SUGP1: variants seen among roughly 807,000 people sequenced by gnomAD.
SUGP1 encodes SURP and G-patch domain-containing protein 1.
In SUGP1, 34 loss-of-function variants were observed where a neutral mutation model predicts 76.5. That is an observed-to-expected ratio of 0.44 (90% CI 0.34 to 0.59). The LOEUF is 0.59. SUGP1 is among the 20% of genes least tolerant of loss of function. The pLI is 0.01. For missense variants in SUGP1, 752 were observed against 851.7 expected, an observed-to-expected ratio of 0.88 and a Z score of 1.46; for synonymous variants, 326 against 326.2, an observed-to-expected ratio of 1.00 and a Z score of 0.01.
At position 19,276,433 on chromosome 19, in the gene SUGP1, C is replaced by G; in HGVS notation, c.*215G>C. 1.7e-6 allele frequency: 1 copy of G among 585,568 alleles called. No individual in the cohort carries two copies. Among genetic ancestry groups the G allele is most frequent in the Non-Finnish European group, 3.1e-6 (1 of 326,524 alleles). The allele number at this position is 585,568 out of a possible 1,614,324, so 36.3% of individuals were successfully genotyped here. ...TGAGCGGGGATGGAGACTCCACAGG[C>G]CAATAAGGAGAGCCCCGAGACAGCA... On this transcript the variant is annotated 3_prime_UTR_variant, in exon 14 of 14. Transcript: ENST00000247001.
chr19:19,302,429 CCAA>C, intron 6 of SUGP1, 41 bp from the exon 7 acceptor site: 1 of 1,598,430 alleles, frequency 6.3e-7, no homozygotes, highest in South Asian at 1.1e-5. Context: ...CTCACCACAC[CCAA>C]CAGCCTAATT....
intron 4 of SUGP1, among the ~76,000 whole-genome samples, chr19:19,304,391 A>G (rs2061299169): frequency 2.0e-5 from 3 of 152,132 alleles, no homozygotes; most frequent in South Asian, 4.2e-4. Flanking sequence ...ATCTGCCAGG[A>G]CAGGCGCTCC....
chr19:19,320,480 T>C lies in SUGP1; in HGVS notation c.17A>G (p.Asp6Gly), dbSNP rs1312547838. The change falls in exon 1 of 14, where the codon GAC becomes GGC. Residue 6 changes from aspartate to glycine, a missense_variant. Around this residue, in one of 2 missense-constraint regions of SUGP1, gnomAD observed 620 missense variants for 617.3 expected, o/e 1.00. Transcript: ENST00000247001. MSLKM[D>G]NRDVAGKANR... ...GCTGTTACCTGCAACATCCCGGTTG[T>C]CCATCTTGAGACTCATCCAATCCCA... The C allele has an allele frequency of 6.2e-7, 1 of 1,610,310 alleles. No individual in the cohort carries two copies.
At chr19:19,279,417 AG>A in intron 9 of SUGP1, 27 bp from the exon 10 acceptor site, 1 of 1,573,674 alleles carries the variant, frequency 6.4e-7, no homozygotes. Context: ...CCAGTGAGCC[AG>A]GGCACGGTGC....
At chr19:19,304,158 T>C (rs1007018197) in intron 4 of SUGP1, 11 of 754,936 alleles carry the variant, frequency 1.5e-5, no homozygotes, top group African/African-American at 3.5e-5. Flanking sequence ...TTTTCTTTCT[T>C]TACCAGTTTT....
Position 19,316,599 on chromosome 19 carries a change from G to A in SUGP1, c.35-6C>T, listed in dbSNP as rs2061395877. On this transcript the variant is annotated splice_region_variant and splice_polypyrimidine_tract_variant and intron_variant, in intron 1 of 13. Transcript: ENST00000247001. ...AAACCACCGGTTAGCCTTTCCTGGG[G>A]AGGGAAAAGGAGTACGTCGGAAATC... 2.5e-6 allele frequency: 4 copies of A among 1,613,450 alleles called. No individual in the cohort carries two copies. Among genetic ancestry groups the A allele is most frequent in the Non-Finnish European group, 2.5e-6 (3 of 1,179,626 alleles).
At chr19:19,300,179 G>T (rs985276682) in intron 7 of SUGP1, among the ~76,000 whole-genome samples, 1 of 152,046 alleles carries the variant, frequency 6.6e-6, no homozygotes, top group Non-Finnish European at 1.5e-5. Context: ...GGGTTCAAGT[G>T]ATTTTCCTGC....
intron 2 of SUGP1, among the ~76,000 whole-genome samples, chr19:19,312,233 TAAAAA>T (rs1448099460): frequency 1.3e-5 from 2 of 151,342 alleles, no homozygotes; most frequent in African/African-American, 2.4e-5. Context: ...TAAAAAAAAA[TAAAAA>T]GAAAAACTGA....
At chr19:19,299,763 G>A (rs1326013771) in intron 7 of SUGP1, among the ~76,000 whole-genome samples, 1 of 151,814 alleles carries the variant, frequency 6.6e-6, no homozygotes, top group Admixed American at 6.6e-5. Context: ...ACTAGTCCAA[G>A]GGATGGGCGT....
chr19:19,295,891 G>A (rs1447995489), intron 8 of SUGP1, among the ~76,000 whole-genome samples: 2 of 152,004 alleles, frequency 1.3e-5, no homozygotes, highest in African/African-American at 4.8e-5. Context: ...GGGGAAAAAA[G>A]GACTAAAATA....
chr19:19,289,620 C>A (rs1395191775), intron 8 of SUGP1, among the ~76,000 whole-genome samples: 1 of 151,922 alleles, frequency 6.6e-6, no homozygotes, highest in Non-Finnish European at 1.5e-5. Flanking sequence ...TGGTTGCAGG[C>A]GCCTGTAGTC....
intron 8 of SUGP1, among the ~76,000 whole-genome samples, chr19:19,294,295 A>G (rs2061207869): frequency 6.6e-6 from 1 of 152,202 alleles, no homozygotes; most frequent in African/African-American, 2.4e-5. Context: ...AGGCCAAGGC[A>G]GGAGGATTGC....
At chr19:19,282,905 G>A (rs8100204) in intron 8 of SUGP1, among the ~76,000 whole-genome samples, 25,659 of 151,966 alleles carry the variant, frequency 0.17, 2,380 homozygotes, top group South Asian at 0.3. Flanking sequence ...GTGAAACCCC[G>A]TCTCTACTAA....
intron 10 of SUGP1, among the ~76,000 whole-genome samples, 153 bp downstream of exon 10, chr19:19,279,058 CCT>C (rs1466847884): frequency 6.6e-6 from 1 of 152,178 alleles, no homozygotes; most frequent in Non-Finnish European, 1.5e-5. Flanking sequence ...AGAGACTGAG[CCT>C]CTCACTCCAG....
chr19:19,280,352 C>T (rs981888449), intron 8 of SUGP1, 61 bp from the exon 9 acceptor site: 25 of 1,456,620 alleles, frequency 1.7e-5, no homozygotes, highest in African/African-American at 9.7e-5. Flanking sequence ...CTCGCTCCTG[C>T]GCTGGGGTGT....
intron 7 of SUGP1, among the ~76,000 whole-genome samples, chr19:19,298,395 G>A (rs2061245897): frequency 6.6e-6 from 1 of 152,202 alleles, no homozygotes; most frequent in African/African-American, 2.4e-5. Flanking sequence ...CTGCTCGGGA[G>A]GCTGAGGCAG....
At chr19:19,319,397 C>T (rs1330676230) in intron 1 of SUGP1, among the ~76,000 whole-genome samples, 1 of 151,806 alleles carries the variant, frequency 6.6e-6, no homozygotes, top group Non-Finnish European at 1.5e-5. Flanking sequence ...ATTCCCATAG[C>T]TGGCATTCAT....
At chr19:19,311,453 C>CATCCCA (rs2061352272) in intron 2 of SUGP1, among the ~76,000 whole-genome samples, 1 of 151,730 alleles carries the variant, frequency 6.6e-6, no homozygotes, top group Middle Eastern at 3.2e-3. Flanking sequence ...CCAGGCTGGG[C>CATCCCA]GCGGTGGCTC....
chr19:19,300,974 T>A (rs1372106176), intron 7 of SUGP1, among the ~76,000 whole-genome samples: 2 of 152,162 alleles, frequency 1.3e-5, no homozygotes, highest in Non-Finnish European at 2.9e-5. Flanking sequence ...GAATTCCATA[T>A]CCTTGCCTGC....
Sources: gnomAD v4.1 joint callset for allele counts (sites outside exome capture counted in the v4.1 genomes callset) on GRCh38, gnomAD v4.1.1 for gene constraint, gnomAD v4.1.1 regional missense constraint, MANE v1.5 for transcripts, NCBI Gene and HGNC (gene_info 2026-07-23, HGNC 2026-07-21) for gene names.